The following SYNE2 variants were observed in gnomAD, a reference collection of about 807,000 sequenced individuals.
SYNE2 encodes nesprin-2.
SYNE2 carries 431 observed loss-of-function variants against 856.3 expected under a neutral mutation model. The observed-to-expected ratio is 0.50, with a 90% confidence interval of 0.47 to 0.55. SYNE2 has a LOEUF of 0.55. SYNE2 is among the 20% of genes least tolerant of loss of function. SYNE2 has a pLI of 0.00. For missense variants in SYNE2, 8,129 were observed against 8,023.2 expected (o/e 1.01, Z -0.50); for synonymous variants, 2,923 against 2,872.3 (o/e 1.02, Z -0.56).
chr14:64,162,371 G>A (rs769685639), intron 88 of SYNE2, 95 bp downstream of exon 88: 4 of 1,288,266 alleles, frequency 3.1e-6, no homozygotes, highest in Non-Finnish European at 4.4e-6. Context: ...AGACCACAGG[G>A]ACAGAGTAGT....
intron 96 of SYNE2, among the ~76,000 whole-genome samples, chr14:64,180,960 A>G (rs936515202): frequency 2.0e-5 from 3 of 152,176 alleles, no homozygotes; most frequent in Non-Finnish European, 4.4e-5. Flanking sequence ...TGGTCTTTGC[A>G]TATTTATGTT....
At position 64,030,006 on chromosome 14, in the gene SYNE2, T is replaced by C; in HGVS notation, c.6826T>C (p.Ser2276Pro). The C allele has an allele frequency of 6.2e-7, 1 of 1,614,178 alleles. No individual in the cohort carries two copies. The highest frequency in any genetic ancestry group is 1.3e-5 in the African/African-American group (1 of 75,066). The change falls in exon 44 of 116, where the codon TCT becomes CCT. Residue 2276 changes from serine to proline, a missense_variant. Physicochemically the swap from Ser to Pro is moderately conservative, Grantham distance 74 (BLOSUM62 -1). Transcript: ENST00000555002. ...DNFSKEFVSF[S>P]DKPVDQIAVE... ...TTTCTCCAAGGAATTTGTCAGTTTT[T>C]CTGATAAGCCTGTGGATCAAATAGC... is the stretch of plus-strand genomic sequence containing the variant.
rs538625441 is a variant in SYNE2, at chr14:64,029,884, T to G, written c.6715-11T>G. On this transcript the variant is annotated splice_polypyrimidine_tract_variant and intron_variant, in intron 43 of 115. Transcript: ENST00000555002. ...AAATAATTTGTAAATTGTCTGTGGC[T>G]TTATTTTTAGGATTCTGTGCAAAAC... is the stretch of plus-strand genomic sequence containing the variant. The G allele has an allele frequency of 2.7e-5, 44 of 1,612,388 alleles. No individual in the cohort carries two copies. In the South Asian group the frequency reaches 4.4e-4, roughly 16 times the overall value.
intron 1 of SYNE2, among the ~76,000 whole-genome samples, chr14:63,767,649 G>A (rs1886737115): frequency 1.3e-5 from 2 of 152,058 alleles, no homozygotes; most frequent in South Asian, 4.1e-4. Flanking sequence ...GTTCAGTCAT[G>A]TATGTTACTT....
At chr14:63,770,950 C>G (rs1886876918) in intron 1 of SYNE2, among the ~76,000 whole-genome samples, 2 of 152,192 alleles carry the variant, frequency 1.3e-5, no homozygotes, top group Admixed American at 1.3e-4. Flanking sequence ...AAGTGTTCCT[C>G]CTGCCTGGGC....
intron 63 of SYNE2, among the ~76,000 whole-genome samples, chr14:64,101,240 C>T (rs898673859): frequency 2.0e-5 from 3 of 151,876 alleles, no homozygotes; most frequent in Non-Finnish European, 4.4e-5. Context: ...ACATTCCCAC[C>T]GACAGTATTC....
intron 1 of SYNE2, among the ~76,000 whole-genome samples, chr14:63,903,874 A>C (rs761958077): frequency 2.0e-5 from 3 of 150,332 alleles, no homozygotes; most frequent in Non-Finnish European, 2.9e-5. Context: ...TTTATTTTAG[A>C]TACAGAGGGC....
intron 1 of SYNE2, among the ~76,000 whole-genome samples, chr14:63,890,873 T>C (rs1191629441): frequency 2.0e-5 from 3 of 152,210 alleles, no homozygotes; most frequent in Non-Finnish European, 4.4e-5. Context: ...GGCAGTTAGT[T>C]ATTGCTGTTC....
At chr14:63,993,485 A>G (rs1043704151) in intron 21 of SYNE2, among the ~76,000 whole-genome samples, 1 of 152,262 alleles carries the variant, frequency 6.6e-6, no homozygotes, top group Admixed American at 6.5e-5. Flanking sequence ...TTTAGAGGAA[A>G]CTTAGCCAGG....
intron 57 of SYNE2, among the ~76,000 whole-genome samples, chr14:64,081,911 C>G (rs1567237976): frequency 6.6e-6 from 1 of 151,952 alleles, no homozygotes; most frequent in Non-Finnish European, 1.5e-5. Context: ...ACGGTGAAAC[C>G]CTGTCTCTAC....
upstream of SYNE2, among the ~76,000 whole-genome samples, chr14:63,848,552 A>G (rs1246947962): frequency 1.3e-5 from 2 of 152,216 alleles, no homozygotes; most frequent in East Asian, 3.8e-4. Context: ...CAAGACATAC[A>G]ACAGGATTTC....
intron 99 of SYNE2, among the ~76,000 whole-genome samples, chr14:64,199,865 A>T (rs1322400303): frequency 6.6e-6 from 1 of 152,226 alleles, no homozygotes; most frequent in African/African-American, 2.4e-5. Flanking sequence ...ATTTTAAAAG[A>T]ATGGGATGAC....
At chr14:64,017,986 C>T (rs948230724) in intron 34 of SYNE2, among the ~76,000 whole-genome samples, 2 of 152,102 alleles carry the variant, frequency 1.3e-5, no homozygotes, top group African/African-American at 2.4e-5. Context: ...AATGGGGAAA[C>T]GTGCTAGTAT....
intron 100 of SYNE2, among the ~76,000 whole-genome samples, chr14:64,206,569 T>A (rs1474156050): frequency 6.6e-6 from 1 of 152,028 alleles, no homozygotes; most frequent in Non-Finnish European, 1.5e-5. Flanking sequence ...TGGGCTTTTT[T>A]TTTTTTAACC....
At chr14:64,094,728 C>T (rs548447633) in intron 61 of SYNE2, among the ~76,000 whole-genome samples, 3 of 152,054 alleles carry the variant, frequency 2.0e-5, no homozygotes, top group East Asian at 3.9e-4. Context: ...TTAGATTTCC[C>T]CTTATGCTAA....
intron 1 of SYNE2, among the ~76,000 whole-genome samples, chr14:63,856,081 A>G (rs756577972): frequency 2.0e-5 from 3 of 152,208 alleles, no homozygotes; most frequent in Non-Finnish European, 1.5e-5. Context: ...AAAGGCCTCC[A>G]GGCAGGAAAG....
chr14:64,149,950 C>T (rs1470035643), intron 84 of SYNE2, among the ~76,000 whole-genome samples: 1 of 151,314 alleles, frequency 6.6e-6, no homozygotes, highest in East Asian at 1.9e-4. Context: ...AAACGAGCAA[C>T]CCCACCGTGT....
At chr14:63,997,211 A>G in intron 24 of SYNE2, 53 bp downstream of exon 24, 1 of 1,593,692 alleles carries the variant, frequency 6.3e-7, no homozygotes, top group East Asian at 2.2e-5. Context: ...AGCCTTTTGC[A>G]CGATCAAATG....
chr14:64,145,960 A>G (rs918368690), intron 83 of SYNE2, 108 bp from the exon 84 acceptor site: 1 of 725,578 alleles, frequency 1.4e-6, no homozygotes, highest in African/African-American at 1.9e-5. Flanking sequence ...TACATGAAAT[A>G]TTAGAAATTT....
Sources: gnomAD v4.1 joint callset for allele counts (sites outside exome capture counted in the v4.1 genomes callset) on GRCh38, gnomAD v4.1.1 for gene constraint, MANE v1.5 for transcripts, NCBI Gene and HGNC (gene_info 2026-07-23, HGNC 2026-07-21) for gene names.